Variants in TANC1 observed in about 807,000 individuals in gnomAD.
TANC1 encodes protein TANC1.
TANC1 carries 77 observed loss-of-function variants against 149.7 expected under a neutral mutation model. The observed-to-expected ratio is 0.51, with a 90% CI of 0.43 to 0.62. The LOEUF (loss-of-function observed/expected upper bound fraction) is 0.62. Among genes scored for constraint, TANC1 ranks in the 20% least tolerant of loss-of-function variants. The pLI, the probability that TANC1 is intolerant of heterozygous loss-of-function variation, is 0.00. For missense variants in TANC1, 1,985 were observed against 2,321.8 expected (o/e 0.85, Z 2.98); for synonymous variants, 854 against 925.0 (o/e 0.92, Z 1.39).
Position 159,219,977 on chromosome 2 carries a change from AGTGTGTGT to A in TANC1, c.3678+147_3678+154del, listed in dbSNP as rs760037919. ...AGGTTGTGTCTCAGTGTCATCAGAG[AGTGTGTGT>A]GTGTGTGTGTGTGTGTGTGTGTGTG... On this transcript the variant is annotated intron_variant, in intron 22 of 26. Transcript: ENST00000263635. 3,910 of 559,856 alleles carry A rather than the reference AGTGTGTGT, an allele frequency of 7.0e-3. 64 individuals are homozygous for A. Among genetic ancestry groups the A allele is most frequent in the African/African-American group, 0.054 (2,628 of 48,404 alleles). The allele number at this position is 559,856 out of a possible 1,614,324, so 34.7% of individuals were successfully genotyped here.
intron 2 of TANC1, among the ~76,000 whole-genome samples, chr2:159,063,296 AG>A (rs2149678894): frequency 6.6e-6 from 1 of 152,338 alleles, no homozygotes; most frequent in Admixed American, 6.5e-5. Context: ...GATACCAGAT[AG>A]TCTTCTCTGG....
At chr2:159,030,790 A>G (rs2039714562) in intron 2 of TANC1, among the ~76,000 whole-genome samples, 1 of 152,178 alleles carries the variant, frequency 6.6e-6, no homozygotes, top group African/African-American at 2.4e-5. Flanking sequence ...GAGGACCCTC[A>G]GCTTTTTGTG....
chr2:159,129,054 A>G (rs979356326), intron 4 of TANC1, among the ~76,000 whole-genome samples: 5 of 152,196 alleles, frequency 3.3e-5, no homozygotes, highest in Admixed American at 2.0e-4. Context: ...AAAGTTCAGG[A>G]TGCAAAAAAA....
At chr2:159,212,304 G>A (rs984214467) in intron 19 of TANC1, among the ~76,000 whole-genome samples, 1 of 152,178 alleles carries the variant, frequency 6.6e-6, no homozygotes, top group African/African-American at 2.4e-5. Flanking sequence ...ACCAGGGAGA[G>A]GAGGAAGAGG....
intron 1 of TANC1, among the ~76,000 whole-genome samples, chr2:158,975,395 G>A (rs1490187456): frequency 6.6e-6 from 1 of 152,078 alleles, no homozygotes; most frequent in African/African-American, 2.4e-5. Context: ...CCCTGCCCCA[G>A]GGAGTGAATT....
At chr2:158,990,801 T>A (rs2035541620) in intron 1 of TANC1, among the ~76,000 whole-genome samples, 1 of 152,112 alleles carries the variant, frequency 6.6e-6, no homozygotes, top group African/African-American at 2.4e-5. Flanking sequence ...GGCTGAGTGC[T>A]GTGGCTCACA....
chr2:159,055,872 T>A (rs1438574571), intron 2 of TANC1: 2 of 160,160 alleles, frequency 1.2e-5, no homozygotes, highest in Non-Finnish European at 2.7e-5. Context: ...ACAGCATAGC[T>A]TATTTATTTA....
At chr2:159,113,441 C>T (rs557563841) in intron 4 of TANC1, among the ~76,000 whole-genome samples, 2 of 152,268 alleles carry the variant, frequency 1.3e-5, no homozygotes, top group South Asian at 2.1e-4. Context: ...TTGGTTTCCT[C>T]ATTGAGAAAG....
rs2052509268 is a variant in TANC1, at chr2:159,149,292, C to T, written c.495+20C>T. ...ACCATGGTAATGCCCGAGGAAGACA[C>T]TACATTGCATACCTCTTCAGAGGAT... On this transcript the variant is annotated intron_variant, in intron 6 of 26. Coordinates refer to ENST00000263635, the MANE Select transcript of TANC1 (RefSeq NM_033394.3). The T allele has an allele frequency of 6.2e-7, 1 of 1,614,086 alleles. No homozygotes were observed. The highest frequency in any genetic ancestry group is 1.1e-5 in the South Asian group (1 of 91,076).
chr2:159,213,179 A>G (rs1483861138), intron 19 of TANC1, among the ~76,000 whole-genome samples: 1 of 152,156 alleles, frequency 6.6e-6, no homozygotes, highest in East Asian at 1.9e-4. Flanking sequence ...TCTCAAAATA[A>G]TCAACTCAAA....
At chr2:159,209,258 T>C (rs2058831027) in intron 19 of TANC1, among the ~76,000 whole-genome samples, 2 of 152,182 alleles carry the variant, frequency 1.3e-5, no homozygotes, top group African/African-American at 2.4e-5. Context: ...TTGATTACCT[T>C]TCATTTTATC....
At chr2:159,168,001 G>C (rs1196993641) in intron 8 of TANC1, among the ~76,000 whole-genome samples, 1 of 152,132 alleles carries the variant, frequency 6.6e-6, no homozygotes, top group Non-Finnish European at 1.5e-5. Flanking sequence ...TGCTAAGAAG[G>C]CTTTACCCAG....
At chr2:158,969,178 C>T (rs2032438989) in intron 1 of TANC1, among the ~76,000 whole-genome samples, 2 of 152,198 alleles carry the variant, frequency 1.3e-5, no homozygotes, top group Admixed American at 1.3e-4. Context: ...TCTCTGTAGC[C>T]CTCGGGCTTG....
intron 2 of TANC1, among the ~76,000 whole-genome samples, chr2:159,043,347 C>T (rs1274143155): frequency 2.0e-5 from 3 of 152,012 alleles, no homozygotes; most frequent in East Asian, 1.9e-4. Context: ...GGGAGACAAC[C>T]ACTCTCTGTT....
At chr2:159,215,820 G>C (rs1324676492) in intron 19 of TANC1, among the ~76,000 whole-genome samples, 1 of 152,192 alleles carries the variant, frequency 6.6e-6, no homozygotes, top group Non-Finnish European at 1.5e-5. Flanking sequence ...AGACTGACTT[G>C]GTCAGTCGTG....
intron 2 of TANC1, among the ~76,000 whole-genome samples, chr2:159,036,628 T>G (rs2040214312): frequency 6.6e-6 from 1 of 152,128 alleles, no homozygotes; most frequent in Non-Finnish European, 1.5e-5. Flanking sequence ...TCTGTCCTTG[T>G]GATAGTTTGC....
chr2:158,969,157 C>T (rs1426498649), intron 1 of TANC1, among the ~76,000 whole-genome samples: 1 of 152,216 alleles, frequency 6.6e-6, no homozygotes, highest in Non-Finnish European at 1.5e-5. Context: ...CGCTCGCCCC[C>T]TTTCCCGCCT....
intron 3 of TANC1, among the ~76,000 whole-genome samples, chr2:159,081,193 G>T (rs541307248): frequency 1.3e-5 from 2 of 152,310 alleles, no homozygotes; most frequent in East Asian, 3.9e-4. Flanking sequence ...AGAAGACAAG[G>T]AAGAAAATTG....
At chr2:159,055,496 C>T (rs2149618660) in intron 2 of TANC1, among the ~76,000 whole-genome samples, 1 of 152,330 alleles carries the variant, frequency 6.6e-6, no homozygotes, top group South Asian at 2.1e-4. Context: ...GCTTTCAAGT[C>T]AGGCCTGGGT....
Sources: allele counts gnomAD v4.1 joint callset (sites outside exome capture counted in the v4.1 genomes callset), GRCh38; gene constraint gnomAD v4.1.1; transcripts MANE v1.5; gene names NCBI Gene and HGNC (gene_info 2026-07-23, HGNC 2026-07-21).